The following LRRC4C variants were observed in gnomAD, a reference collection of about 807,000 sequenced individuals.
The protein encoded by LRRC4C is leucine-rich repeat-containing protein 4C.
A neutral mutation model predicts 33.6 loss-of-function variants in LRRC4C; 5 were observed. The observed-to-expected ratio is 0.15, with a 90% CI of 0.08 to 0.31. The LOEUF is 0.31. Among genes scored for constraint, LRRC4C ranks in the 10% least tolerant of loss-of-function variants. The pLI, the probability that LRRC4C is intolerant of heterozygous loss-of-function variation, is 1.00. For missense variants in LRRC4C, 560 were observed against 796.7 expected, an observed-to-expected ratio of 0.70 and a Z score of 3.58; for synonymous variants, 329 against 302.0, an observed-to-expected ratio of 1.09 and a Z score of -0.93.
At chr11:40,283,179 G>C (rs1189619305) in intron 4 of LRRC4C, among the ~76,000 whole-genome samples, 2 of 152,164 alleles carry the variant, frequency 1.3e-5, no homozygotes, top group South Asian at 4.2e-4. Flanking sequence ...CTATGCATTG[G>C]AATATTAAAT....
chr11:40,981,428 A>C (rs1299402766), intron 1 of LRRC4C, among the ~76,000 whole-genome samples: 1 of 151,580 alleles, frequency 6.6e-6, no homozygotes, highest in Non-Finnish European at 1.5e-5. Flanking sequence ...AAAAAAAAAA[A>C]CTAATTTGCG....
chr11:41,201,926 ACAC>A (rs1946415243), intron 1 of LRRC4C, among the ~76,000 whole-genome samples: 1 of 21,354 alleles, frequency 4.7e-5, no homozygotes, highest in Non-Finnish European at 1.8e-4. Context: ...ACACAAACAC[ACAC>A]ACACACACAC....
At chr11:40,218,732 TATCTATCTATCCATCCATCC>T (rs1864183391) in intron 5 of LRRC4C, among the ~76,000 whole-genome samples, 2 of 150,362 alleles carry the variant, frequency 1.3e-5, no homozygotes, top group South Asian at 2.1e-4. Context: ...TCTATCTATC[TATCTATCTATCCATCCATCC>T]ATCTATCCAT....
intron 2 of LRRC4C, among the ~76,000 whole-genome samples, chr11:40,765,796 A>T (rs1591659397): frequency 6.6e-6 from 1 of 151,416 alleles, no homozygotes; most frequent in Non-Finnish European, 1.5e-5. Flanking sequence ...GAAAAAAAAA[A>T]TTAAATAAAA....
intron 4 of LRRC4C, among the ~76,000 whole-genome samples, chr11:40,255,608 A>G (rs1867143387): frequency 6.6e-6 from 1 of 152,178 alleles, no homozygotes; most frequent in African/African-American, 2.4e-5. Flanking sequence ...TGCTCAATGC[A>G]TCTGCTCAGC....
intron 3 of LRRC4C, among the ~76,000 whole-genome samples, chr11:40,365,959 A>T (rs1048555413): frequency 6.6e-6 from 1 of 152,102 alleles, no homozygotes; most frequent in Non-Finnish European, 1.5e-5. Context: ...CAGTTCAACA[A>T]ATATTTATTG....
chr11:40,318,462 G>A lies in LRRC4C; in HGVS notation c.-176+1166C>T, dbSNP rs184068441. On this transcript the variant is annotated intron_variant, in intron 4 of 6. Transcript: ENST00000528697. ...CATTACAGAGGCAGCATCTAATGGA[G>A]ACTATTAAGTCAATCCTGCTACCTT... Among the ~76,000 whole-genome samples, 220 of 152,214 alleles carry A rather than the reference G, an allele frequency of 1.4e-3. 2 individuals carry two copies. Among genetic ancestry groups the A allele is most frequent in the Non-Finnish European group, 2.8e-3 (188 of 68,006 alleles).
intron 1 of LRRC4C, among the ~76,000 whole-genome samples, chr11:41,402,802 G>A (rs1179084885): frequency 6.6e-6 from 1 of 151,988 alleles, no homozygotes; most frequent in African/African-American, 2.4e-5. Context: ...CAGGTACCAT[G>A]AGCCTGATAC....
intron 1 of LRRC4C, among the ~76,000 whole-genome samples, chr11:41,050,964 G>A (rs949528393): frequency 6.6e-6 from 1 of 152,142 alleles, no homozygotes; most frequent in African/African-American, 2.4e-5. Flanking sequence ...GTCTTTCAGA[G>A]TGTGACTTTT....
intron 2 of LRRC4C, among the ~76,000 whole-genome samples, chr11:40,674,730 G>A (rs781180877): frequency 1.3e-5 from 2 of 152,100 alleles, no homozygotes; most frequent in Non-Finnish European, 2.9e-5. Context: ...TAATAATGAT[G>A]ATTACGAGGA....
intron 1 of LRRC4C, among the ~76,000 whole-genome samples, chr11:41,144,150 T>G (rs530735880): frequency 4.6e-5 from 7 of 152,288 alleles, no homozygotes; most frequent in African/African-American, 1.7e-4. Flanking sequence ...CAAAAGTGAA[T>G]GAAACCATAA....
intron 1 of LRRC4C, among the ~76,000 whole-genome samples, chr11:41,219,758 G>A (rs1947222477): frequency 6.6e-6 from 1 of 152,176 alleles, no homozygotes; most frequent in East Asian, 1.9e-4. Flanking sequence ...TGAACCAGAT[G>A]AAGTTTCAGA....
chr11:41,084,560 A>T (rs532185140), intron 1 of LRRC4C, among the ~76,000 whole-genome samples: 1 of 152,296 alleles, frequency 6.6e-6, no homozygotes, highest in South Asian at 2.1e-4. Flanking sequence ...AAAATTTTTT[A>T]AAAATTGGCT....
At chr11:40,815,269 A>G (rs1951660793) in intron 2 of LRRC4C, among the ~76,000 whole-genome samples, 1 of 152,102 alleles carries the variant, frequency 6.6e-6, no homozygotes, top group South Asian at 2.1e-4. Context: ...AAACCATCAG[A>G]TTTTGTGAGA....
At chr11:41,191,579 T>C (rs942508243) in intron 1 of LRRC4C, among the ~76,000 whole-genome samples, 1 of 152,100 alleles carries the variant, frequency 6.6e-6, no homozygotes, top group Non-Finnish European at 1.5e-5. Context: ...GCAAAGATAT[T>C]AGGTCATGCT....
At chr11:40,400,364 T>G (rs867659370) in intron 3 of LRRC4C, among the ~76,000 whole-genome samples, 46 of 152,156 alleles carry the variant, frequency 3.0e-4, no homozygotes, top group South Asian at 2.1e-4. Context: ...GTTGTTTGCT[T>G]CCACCTGTGT....
intron 2 of LRRC4C, among the ~76,000 whole-genome samples, chr11:40,794,923 G>T (rs2135204756): frequency 6.6e-6 from 1 of 152,244 alleles, no homozygotes; most frequent in African/African-American, 2.4e-5. Context: ...TATATTGAGT[G>T]CTTCTAATTA....
chr11:40,401,234 CCTCT>C lies in LRRC4C; in HGVS notation c.-269-81517_-269-81514del, dbSNP rs146489901. ...AGTATACAATCAGTCAGTCAATCTC[CCTCT>C]CTCTCTCTCTCTCTCTTTCCCTCTC... is the stretch of plus-strand genomic sequence containing the variant. On this transcript the variant is annotated intron_variant, in intron 3 of 6. Transcript: ENST00000528697. 6.7e-5 allele frequency among the ~76,000 whole-genome samples: 10 copies of C among 148,244 alleles called. No homozygotes were observed. In the East Asian group the frequency reaches 1.4e-3, roughly 21 times the overall value.
intron 2 of LRRC4C, among the ~76,000 whole-genome samples, chr11:40,906,024 G>A (rs1411528515): frequency 6.6e-6 from 1 of 152,114 alleles, no homozygotes; most frequent in African/African-American, 2.4e-5. Flanking sequence ...CTTATTTCCA[G>A]AAATTGCCAC....
Sources: allele counts gnomAD v4.1 joint callset (sites outside exome capture counted in the v4.1 genomes callset), GRCh38; gene constraint gnomAD v4.1.1; transcripts MANE v1.5; gene names NCBI Gene and HGNC (gene_info 2026-07-23, HGNC 2026-07-21).